Variants in MAPK8 observed in about 807,000 individuals in gnomAD.
MAPK8 encodes mitogen-activated protein kinase 8.
Under a neutral mutation model 52.9 loss-of-function variants are expected in MAPK8, and 13 were observed. The observed-to-expected ratio is 0.25, with a 90% CI of 0.16 to 0.39. The LOEUF is 0.39. MAPK8 is among the 10% of genes least tolerant of loss of function. The pLI is 1.00. For missense variants in MAPK8, 300 were observed against 519.2 expected (o/e 0.58, Z 4.10); for synonymous variants, 191 against 169.8 (o/e 1.12, Z -0.97).
chr10:48,412,946 A>G (rs750654451), intron 5 of MAPK8, among the ~76,000 whole-genome samples: 6 of 151,820 alleles, frequency 4.0e-5, no homozygotes, highest in Non-Finnish European at 8.8e-5. Flanking sequence ...GTAATTCCCT[A>G]TTCTCCTCTC....
At chr10:48,369,039 A>G (rs1361575174) in intron 1 of MAPK8, among the ~76,000 whole-genome samples, 1 of 152,188 alleles carries the variant, frequency 6.6e-6, no homozygotes, top group Non-Finnish European at 1.5e-5. Context: ...GGGCAGGGTC[A>G]TGTAGCATAA....
At chr10:48,384,113 G>A (rs1337448651) in intron 1 of MAPK8, among the ~76,000 whole-genome samples, 1 of 152,208 alleles carries the variant, frequency 6.6e-6, no homozygotes, top group Non-Finnish European at 1.5e-5. Flanking sequence ...TTAGCCAGGT[G>A]TGGTAGCGGG....
chr10:48,418,520 G>GCT (rs2043184954), intron 5 of MAPK8, among the ~76,000 whole-genome samples: 1 of 152,132 alleles, frequency 6.6e-6, no homozygotes, highest in Non-Finnish European at 1.5e-5. Context: ...CCAAAGCAGG[G>GCT]CAGGAGATGA....
At chr10:48,340,310 G>T (rs145212284) in intron 1 of MAPK8, among the ~76,000 whole-genome samples, 2 of 152,108 alleles carry the variant, frequency 1.3e-5, no homozygotes, top group African/African-American at 4.8e-5. Context: ...GAAAAATACC[G>T]TATGTTCTTA....
intron 10 of MAPK8, 153 bp from the exon 11 acceptor site, chr10:48,431,040 C>T (rs2044195124): frequency 1.5e-6 from 1 of 651,636 alleles, no homozygotes. Flanking sequence ...AATTAACATC[C>T]TTGAATCTTA....
At chr10:48,380,236 C>T (rs750578923) in intron 1 of MAPK8, among the ~76,000 whole-genome samples, 6 of 151,842 alleles carry the variant, frequency 4.0e-5, no homozygotes, top group South Asian at 2.1e-4. Flanking sequence ...AGCGAGACTC[C>T]GTCTCAAAAA....
At chr10:48,374,845 T>A (rs2040552918) in intron 1 of MAPK8, among the ~76,000 whole-genome samples, 1 of 152,026 alleles carries the variant, frequency 6.6e-6, no homozygotes, top group Non-Finnish European at 1.5e-5. Context: ...CTGAAACTAC[T>A]CCAAACAATA....
intron 1 of MAPK8, among the ~76,000 whole-genome samples, chr10:48,320,243 T>TTTTA (rs1554809169): frequency 5.2e-5 from 7 of 133,490 alleles, no homozygotes; most frequent in African/African-American, 1.6e-4. Context: ...TTTTTTTTTT[T>TTTTA]AAATTAGATC....
chr10:48,434,716 A>G (rs898376493), intron 11 of MAPK8, among the ~76,000 whole-genome samples, 168 bp from the exon 12 acceptor site: 4 of 152,232 alleles, frequency 2.6e-5, no homozygotes, highest in Non-Finnish European at 5.9e-5. Flanking sequence ...ATAGCTGTCA[A>G]TGAAGAGTGT....
At chr10:48,319,656 A>T (rs1842807728) in intron 1 of MAPK8, among the ~76,000 whole-genome samples, 1 of 151,630 alleles carries the variant, frequency 6.6e-6, no homozygotes, top group Admixed American at 6.6e-5. Context: ...GGCCTGGCTA[A>T]TTTTTTTGTA....
chr10:48,434,466 G>A (rs1018925809), intron 11 of MAPK8, among the ~76,000 whole-genome samples: 3 of 152,134 alleles, frequency 2.0e-5, no homozygotes, highest in African/African-American at 7.2e-5. Flanking sequence ...TAGGGAAGTA[G>A]CTTTTAACTT....
intron 10 of MAPK8, chr10:48,430,830 G>A (rs1180312056): frequency 4.2e-5 from 10 of 236,410 alleles, no homozygotes; most frequent in South Asian, 1.3e-4. Flanking sequence ...AGTAAGACAC[G>A]TGGTTCAAGC....
intron 1 of MAPK8, among the ~76,000 whole-genome samples, chr10:48,375,176 A>G (rs2040577417): frequency 2.6e-5 from 4 of 152,238 alleles, no homozygotes; most frequent in Admixed American, 2.6e-4. Context: ...AAGGCCTTTG[A>G]CAAAATTCAG....
chr10:48,387,869 G>A (rs1358504020), intron 1 of MAPK8, among the ~76,000 whole-genome samples: 2 of 151,358 alleles, frequency 1.3e-5, no homozygotes. Flanking sequence ...TGGATTATTT[G>A]GAAGAGTGGA....
chr10:48,333,190 G>T (rs926397531), intron 1 of MAPK8, among the ~76,000 whole-genome samples: 1 of 152,174 alleles, frequency 6.6e-6, no homozygotes, highest in Non-Finnish European at 1.5e-5. Context: ...AAACTGTCTG[G>T]ATTCAGGCAA....
intron 1 of MAPK8, among the ~76,000 whole-genome samples, chr10:48,386,082 T>G (rs1029106265): frequency 2.0e-5 from 3 of 152,192 alleles, no homozygotes; most frequent in African/African-American, 7.2e-5. Flanking sequence ...ACTTCTCATT[T>G]GCTATTCTTA....
intron 5 of MAPK8, 50 bp downstream of exon 5, chr10:48,410,218 AAT>A (rs766145495): frequency 8.4e-6 from 12 of 1,426,648 alleles, no homozygotes; most frequent in Non-Finnish European, 1.1e-5. Flanking sequence ...ATTGAGGTGA[AAT>A]TCATGTAACA....
chr10:48,426,408 A>C lies in MAPK8; in HGVS notation c.900A>C (p.Lys300Asn). 6.2e-7 allele frequency: 1 copy of C among 1,610,156 alleles called. No individual in the cohort carries two copies. Among genetic ancestry groups the C allele is most frequent in the Non-Finnish European group, 8.5e-7 (1 of 1,178,470 alleles). ...KASQARDLLS[K>N]MLVIDASKRI... ...GTCAGGCAAGGGATTTGTTATCCAA[A>C]ATGCTGGTAATAGATGCATCTAAAA... Residue 300 changes from lysine (K) to asparagine (N), a missense_variant, in exon 9 of 12, where the codon AAA becomes AAC. By Grantham distance (94) the Lys-to-Asn change is moderately conservative (BLOSUM62 0). This residue lies in a region of MAPK8 where 119 missense variants were observed against 154.4 expected (regional missense o/e 0.77). Transcript: ENST00000374189.
intron 3 of MAPK8, 37 bp from the exon 4 acceptor site, chr10:48,409,842 A>G: frequency 7.2e-7 from 1 of 1,395,960 alleles, no homozygotes; most frequent in Non-Finnish European, 1.0e-6. Flanking sequence ...ATTATGAAGT[A>G]ATTTCTAATT....
Sources: allele counts gnomAD v4.1 joint callset (sites outside exome capture counted in the v4.1 genomes callset), GRCh38; gene constraint gnomAD v4.1.1; regional missense constraint gnomAD v4.1.1; transcripts MANE v1.5; gene names NCBI Gene and HGNC (gene_info 2026-07-23, HGNC 2026-07-21).